Variants in NRXN2 observed in about 807,000 individuals in gnomAD.
NRXN2 encodes neurexin 2, also known as neurexin-2-beta.
A neutral mutation model predicts 128.8 loss-of-function variants in NRXN2; 29 were observed. The ratio of observed to expected loss-of-function variants is 0.23; its 90% CI spans 0.17 to 0.31. NRXN2 has a LOEUF of 0.31. Ranked by LOEUF, NRXN2 falls within the 10% of genes least tolerant of loss-of-function variation. NRXN2 has a pLI of 1.00. For missense variants in NRXN2, 1,881 were observed against 2,452.6 expected (o/e 0.77, Z 4.92); for synonymous variants, 1,098 against 1,075.2 (o/e 1.02, Z -0.41).
At chr11:64,621,069 C>T (rs2042273439) in intron 21 of NRXN2, among the ~76,000 whole-genome samples, 1 of 151,958 alleles carries the variant, frequency 6.6e-6, no homozygotes, top group Non-Finnish European at 1.5e-5. Context: ...CGAGAAACTG[C>T]GGGAAGGTGA....
Position 64,661,094 on chromosome 11 carries a change from C to G in NRXN2, c.1844G>C (p.Gly615Ala), listed in dbSNP as rs2048966201. Residue 615 changes from glycine to alanine, a missense_variant, in exon 10 of 23, where the codon GGA (glycine) becomes GCA (alanine). By Grantham distance (60) the Gly-to-Ala change is moderately conservative. Around this residue, in one of 7 missense-constraint regions of NRXN2, gnomAD observed 997 missense variants for 1,240.8 expected, o/e 0.80. Transcript: ENST00000265459. ...NSRSTPFLAT[G>A]DSEILDLESE... ...CTCCAGGTCCAGAATCTCGCTGTCT[C>G]CAGTGGCCAAGAACGGCGTGCTGCG... 6.2e-7 allele frequency: 1 copy of G among 1,613,590 alleles called. No individual in the cohort carries two copies. Among genetic ancestry groups the G allele is most frequent in the Non-Finnish European group, 8.5e-7 (1 of 1,180,028 alleles).
At chr11:64,621,584 C>A (rs2042359419) in intron 21 of NRXN2, among the ~76,000 whole-genome samples, 2 of 152,096 alleles carry the variant, frequency 1.3e-5, no homozygotes, top group Non-Finnish European at 2.9e-5. Context: ...GGTCTTAAAG[C>A]ACATGGAGCC....
rs964555511 is a variant in NRXN2 at position 64,667,031 on chromosome 11, G to A, written c.1798+219C>T. ...ATGCAGCAAGTAGGGGAGCTGAGGT[G>A]TAATCCAGGTCTGACTGATGCCAAA... On this transcript the variant is annotated intron_variant, in intron 9 of 22. Transcript: ENST00000265459. The surrounding 1 kb of genome is among the most constrained non-coding windows in gnomAD (Gnocchi z 5.6). 2.6e-5 allele frequency among the ~76,000 whole-genome samples: 4 copies of A among 152,194 alleles called. No homozygotes were observed. Among genetic ancestry groups the A allele is most frequent in the Non-Finnish European group, 5.9e-5 (4 of 68,040 alleles).
Position 64,667,373 on chromosome 11 carries a change from A to G in NRXN2, c.1675T>C (p.Leu559=), listed in dbSNP as rs751611524. The change falls in exon 9 of 23, where the codon TTG becomes CTG. Residue 559 remains leucine (L), a synonymous_variant. Transcript: ENST00000265459. The surrounding 1 kb of genome is among the most constrained non-coding windows in gnomAD (Gnocchi z 5.6). The part of the protein sequence containing the change: ...QRADYFAMEL[L]DGHLYLLLDM... ...AGCAGAAGATAGAGGTGGCCGTCCA[A>G]TAGCTCCATGGCAAAGTAGTCGGCC... 103 of 1,614,088 alleles carry G rather than the reference A, an allele frequency of 6.4e-5. No individual in the cohort carries two copies. Among genetic ancestry groups the G allele is most frequent in the Non-Finnish European group, 8.6e-5 (101 of 1,180,040 alleles).
chr11:64,653,777 G>GT (rs563198102), intron 11 of NRXN2, 55 bp from the exon 12 acceptor site: 169,537 of 947,118 alleles, frequency 0.18, no homozygotes, highest in South Asian at 0.23. Flanking sequence ...GGTAAAACAA[G>GT]TTTTTTTTTT....
intron 17 of NRXN2, among the ~76,000 whole-genome samples, chr11:64,644,665 G>A (rs1014632549): frequency 6.6e-6 from 1 of 152,134 alleles, no homozygotes; most frequent in Admixed American, 6.5e-5. Context: ...GAAGGCAGAG[G>A]GTAGAGGAGG....
At chr11:64,719,922 C>T (rs496914) in intron 1 of NRXN2, among the ~76,000 whole-genome samples, 114,553 of 152,140 alleles carry the variant, frequency 0.75, 45,699 homozygotes, top group Non-Finnish European at 0.9. Context: ...CTACCATTTA[C>T]GGGGACCTTC....
intron 18 of NRXN2, among the ~76,000 whole-genome samples, chr11:64,634,494 A>T (rs1398862849): frequency 6.6e-6 from 1 of 152,144 alleles, no homozygotes; most frequent in Non-Finnish European, 1.5e-5. Context: ...CGGTGAGTCA[A>T]GGAGCTGCAG....
chr11:64,666,329 G>C (rs1036169611), intron 9 of NRXN2, among the ~76,000 whole-genome samples: 2 of 151,492 alleles, frequency 1.3e-5, no homozygotes. Flanking sequence ...AGCCTCCCAA[G>C]TAGCTGGGAC....
intron 6 of NRXN2, among the ~76,000 whole-genome samples, chr11:64,682,500 T>C (rs2052454758): frequency 6.6e-6 from 1 of 151,234 alleles, no homozygotes. Flanking sequence ...GCGGACCGCA[T>C]CTTTGAGGGA....
rs533553766 is a variant in NRXN2, at chr11:64,614,658, A to G, written c.4252+5636T>C. The stretch of plus-strand genomic sequence containing the variant: ...GCCTGCCTGCCTGCTGGATTTCCTC[A>G]GCGCTAGCAGCACACATTGGCCTGT... On this transcript the variant is annotated intron_variant, in intron 22 of 22. Coordinates refer to ENST00000265459, the MANE Select transcript of NRXN2 (RefSeq NM_015080.4). Among the ~76,000 whole-genome samples, 429 of 152,374 alleles carry G rather than the reference A, an allele frequency of 2.8e-3. 2 individuals carry two copies. The highest frequency in any genetic ancestry group is 5.0e-3 in the Non-Finnish European group (341 of 68,038).
chr11:64,608,530 G>C (rs1016113152), intron 22 of NRXN2, among the ~76,000 whole-genome samples: 4 of 107,930 alleles, frequency 3.7e-5, no homozygotes, highest in Non-Finnish European at 7.3e-5. Context: ...TTTTAAAAAA[G>C]AAGATAGCAT....
At position 64,708,512 on chromosome 11, in the gene NRXN2, G is replaced by A. The variant is rs996327349; in HGVS notation, c.730+4458C>T. 2.6e-5 allele frequency among the ~76,000 whole-genome samples: 4 copies of A among 152,102 alleles called. No homozygotes were observed. In the East Asian group the frequency reaches 5.8e-4, roughly 22 times the overall value. ...CCAGCTTTGGCAGATAATCAGCAACGGTAGACAGACTCAGCCACTCCCACT... is the reference window on the plus strand; with the variant it reads ...CCAGCTTTGGCAGATAATCAGCAACAGTAGACAGACTCAGCCACTCCCACT... On this transcript the variant is annotated intron_variant, in intron 2 of 22. Transcript: ENST00000265459.
At chr11:64,678,445 C>T (rs2135544408) in intron 6 of NRXN2, among the ~76,000 whole-genome samples, 1 of 152,262 alleles carries the variant, frequency 6.6e-6, no homozygotes, top group South Asian at 2.1e-4. Context: ...CCCAGCAGCA[C>T]AGCCTCCTTT....
chr11:64,661,030 C>G lies in NRXN2; in HGVS notation c.1908G>C (p.Arg636=). The G allele has an allele frequency of 6.2e-7, 1 of 1,613,552 alleles. No homozygotes were observed. The highest frequency in any genetic ancestry group is 1.1e-5 in the South Asian group (1 of 91,086). Residue 636 remains arginine (R), a synonymous_variant, in exon 10 of 23, where the codon CGG becomes CGC. Coordinates refer to ENST00000265459, the MANE Select transcript of NRXN2 (RefSeq NM_015080.4). ...LYLGGLPEGG[R]VDLPLPPEVW... is the part of the protein sequence containing the mutation. ...CCTCTGGGGGCAGGGGCAGGTCCACCCGGCCCCCCTCAGGGAGACCGCCCA... is the reference window on the plus strand; with the variant it reads ...CCTCTGGGGGCAGGGGCAGGTCCACGCGGCCCCCCTCAGGGAGACCGCCCA...
Position 64,630,597 on chromosome 11 carries a change from A to G in NRXN2, c.3586-24T>C. On this transcript the variant is annotated intron_variant, in intron 18 of 22. Coordinates refer to ENST00000265459, the MANE Select transcript of NRXN2 (RefSeq NM_015080.4). The surrounding 1 kb of genome is among the most constrained non-coding windows in gnomAD (Gnocchi z 4.6). ...TCCTGGGGACATGGAGGTGGAGGTC[A>G]GCGACCAGAGGGAGCAACCATTCAT... 6.2e-7 allele frequency: 1 copy of G among 1,613,348 alleles called. No homozygotes were observed.
Position 64,623,190 on chromosome 11 carries a change from GC to G in NRXN2, c.3848-113del, listed in dbSNP as rs2042620412. ...AGAGGAAAGAGGAATGGAGGAGAAA[GC>G]CAGTAAGGGAGGAGGGGACGGGGAG... is the stretch of plus-strand genomic sequence containing the variant. On this transcript the variant is annotated intron_variant, in intron 20 of 22. Coordinates refer to ENST00000265459, the MANE Select transcript of NRXN2 (RefSeq NM_015080.4). The surrounding 1 kb of genome is among the most constrained non-coding windows in gnomAD (Gnocchi z 4.9). The G allele has an allele frequency of 6.2e-6, 9 of 1,442,728 alleles. No homozygotes were observed. The highest frequency in any genetic ancestry group is 1.9e-4 in the Middle Eastern group (1 of 5,196). 89.4% of individuals were successfully genotyped at this position (1,442,728 alleles called of 1,614,324 possible). A position where few individuals can be genotyped will look rare whatever the true frequency, so the allele number is the denominator to read the frequency against.
Position 64,667,247 on chromosome 11 carries a change from G to A in NRXN2, c.1798+3C>T. ...AAGGGGAAGGGTCCAGAGGCCTCCT[G>A]ACCTTTTCGCCCATCCCTCTGGAAG... On this transcript the variant is annotated splice_donor_region_variant and intron_variant, in intron 9 of 22. Coordinates refer to ENST00000265459, the MANE Select transcript of NRXN2 (RefSeq NM_015080.4). The surrounding 1 kb of genome is among the most constrained non-coding windows in gnomAD (Gnocchi z 5.6). The A allele has an allele frequency of 6.2e-7, 1 of 1,614,102 alleles. No individual in the cohort carries two copies. The highest frequency in any genetic ancestry group is 1.1e-5 in the South Asian group (1 of 91,068).
chr11:64,638,424 C>T (rs954365994), intron 17 of NRXN2, among the ~76,000 whole-genome samples: 2 of 152,152 alleles, frequency 1.3e-5, no homozygotes, highest in Non-Finnish European at 2.9e-5. Flanking sequence ...GGCTGGGGTT[C>T]GGGAGACCGC....
Sources: allele counts gnomAD v4.1 joint callset (sites outside exome capture counted in the v4.1 genomes callset), GRCh38; gene constraint gnomAD v4.1.1; regional missense constraint gnomAD v4.1.1; non-coding constraint Gnocchi (gnomAD v3.1); transcripts MANE v1.5; gene names NCBI Gene and HGNC (gene_info 2026-07-23, HGNC 2026-07-21).